RSPH1: variants seen among roughly 807,000 people sequenced by gnomAD.
The protein encoded by RSPH1 is radial spoke head component 1.
Under a neutral mutation model 44.2 loss-of-function variants are expected in RSPH1, and 32 were observed. The ratio of observed to expected loss-of-function variants is 0.72; its 90% CI spans 0.55 to 0.97. RSPH1 has a LOEUF of 0.97. RSPH1 is among the 50% of genes least tolerant of loss of function. The pLI is 0.00. For missense variants in RSPH1, 391 were observed against 398.7 expected (o/e 0.98, Z 0.16); for synonymous variants, 134 against 147.3 (o/e 0.91, Z 0.65).
At chr21:42,491,051 T>C (rs1346181852) in intron 3 of RSPH1, among the ~76,000 whole-genome samples, 1 of 152,198 alleles carries the variant, frequency 6.6e-6, no homozygotes, top group Admixed American at 6.5e-5. Context: ...AATCTGGCTG[T>C]TCATCCATAT....
chr21:42,474,515 C>T lies in RSPH1; in HGVS notation c.877+1383G>A, dbSNP rs1195685134. ...CACTGCCTATCAAACCCAGTGTCTCCCCCTCCAGCTGTGCTCCACAGTGAC... is the reference window on the plus strand; with the variant it reads ...CACTGCCTATCAAACCCAGTGTCTCTCCCTCCAGCTGTGCTCCACAGTGAC... On this transcript the variant is annotated intron_variant, in intron 8 of 8. Transcript: ENST00000291536. The surrounding 1 kb of genome is among the most constrained non-coding windows in gnomAD (Gnocchi z 5.2). 6.6e-6 allele frequency among the ~76,000 whole-genome samples: 1 copy of T among 152,242 alleles called. No homozygotes were observed. Among genetic ancestry groups the T allele is most frequent in the Non-Finnish European group, 1.5e-5 (1 of 68,040 alleles).
At chr21:42,491,192 T>G (rs987465599) in intron 3 of RSPH1, among the ~76,000 whole-genome samples, 2 of 152,184 alleles carry the variant, frequency 1.3e-5, no homozygotes, top group Non-Finnish European at 2.9e-5. Flanking sequence ...CAGGTAGAAC[T>G]GTGGGTACCC....
intron 1 of RSPH1, among the ~76,000 whole-genome samples, chr21:42,495,441 A>G (rs1413319750): frequency 6.6e-6 from 1 of 152,128 alleles, no homozygotes; most frequent in Non-Finnish European, 1.5e-5. Flanking sequence ...TCTGTCAGCC[A>G]TGGAGAGGTC....
At chr21:42,494,704 A>ATT (rs113496002) in intron 1 of RSPH1, among the ~76,000 whole-genome samples, 2,531 of 145,678 alleles carry the variant, frequency 0.017, 74 homozygotes, top group African/African-American at 0.06. Flanking sequence ...TGAACAAGTG[A>ATT]TTTTTTTTTT....
intron 4 of RSPH1, chr21:42,486,139 G>A: frequency 1.7e-6 from 1 of 575,678 alleles, no homozygotes; most frequent in South Asian, 2.1e-5. Context: ...ACTCTTGGGT[G>A]AAAGACTCAC....
chr21:42,479,567 C>T (rs2054104740), intron 6 of RSPH1, among the ~76,000 whole-genome samples: 1 of 152,170 alleles, frequency 6.6e-6, no homozygotes. Flanking sequence ...ATTACCAGTG[C>T]TGACAAGATA....
Position 42,477,208 on chromosome 21 carries a change from T to G in RSPH1, c.727+83A>C. The G allele has an allele frequency of 1.1e-5, 2 of 175,314 alleles. 1 individual carries two copies. The highest frequency in any genetic ancestry group is 1.6e-5 in the Non-Finnish European group (2 of 124,002). The allele number at this position is 175,314 out of a possible 1,614,324, so 10.9% of individuals were successfully genotyped here. ...ACCCCTCCACCCCACAGCCCGGGGATGCCCCACACCCTCTGTCCCACAGCC... is the reference window on the plus strand; with the variant it reads ...ACCCCTCCACCCCACAGCCCGGGGAGGCCCCACACCCTCTGTCCCACAGCC... On this transcript the variant is annotated intron_variant, in intron 7 of 8. Coordinates refer to ENST00000291536, the MANE Select transcript of RSPH1 (RefSeq NM_080860.4).
At chr21:42,480,655 A>C (rs2054117517) in intron 6 of RSPH1, among the ~76,000 whole-genome samples, 1 of 151,548 alleles carries the variant, frequency 6.6e-6, no homozygotes, top group Non-Finnish European at 1.5e-5. Context: ...AAAAAAAAAA[A>C]AAAAAAAAAA....
In RSPH1 at chr21:42,477,852, T is replaced by C. The variant is rs550496762; in HGVS notation, c.574-408A>G. On this transcript the variant is annotated intron_variant, in intron 6 of 8. Transcript: ENST00000291536. ...TGCAACTCTAATATAAAAAATCGTGTATTATATAATTATATGTCTATTGAG... is the reference window on the plus strand; with the variant it reads ...TGCAACTCTAATATAAAAAATCGTGCATTATATAATTATATGTCTATTGAG... Among the ~76,000 whole-genome samples, 155 of 152,318 alleles carry C rather than the reference T, an allele frequency of 1.0e-3. 1 individual carries two copies. Among genetic ancestry groups the C allele is most frequent in the African/African-American group, 2.7e-3 (114 of 41,578 alleles).
At chr21:42,493,874 C>A (rs2054260728) in intron 1 of RSPH1, among the ~76,000 whole-genome samples, 1 of 152,200 alleles carries the variant, frequency 6.6e-6, no homozygotes, top group Non-Finnish European at 1.5e-5. Context: ...CCTCAGACTC[C>A]TGAGTAGCTG....
chr21:42,486,482 G>A (rs549263569), intron 3 of RSPH1, 21 bp from the exon 4 acceptor site: 3 of 1,577,350 alleles, frequency 1.9e-6, no homozygotes, highest in South Asian at 2.2e-5. Context: ...CAACACAAAG[G>A]CAAGCCCAGG....
chr21:42,475,261 A>T (rs1051110329), intron 8 of RSPH1, among the ~76,000 whole-genome samples: 6 of 152,090 alleles, frequency 3.9e-5, no homozygotes, highest in Non-Finnish European at 8.8e-5. Context: ...TCCCGACACC[A>T]CTAGTCTGAA....
Position 42,477,296 on chromosome 21 carries a change from G to A in RSPH1, c.722C>T (p.Ala241Val), listed in dbSNP as rs1568959339. 2.5e-6 allele frequency: 4 copies of A among 1,613,480 alleles called. No homozygotes were observed. Among genetic ancestry groups the A allele is most frequent in the Non-Finnish European group, 3.4e-6 (4 of 1,179,714 alleles). ...AGCCCGGGGGTGCCCCACACTCTCA[G>A]CTCCTGGAGCGTCTTGGCCAGGTCC... ...TDGPGQDAPG[A>V]ESAGEPGEEA... Residue 241 changes from alanine to valine, a missense_variant, in exon 7 of 9, where the codon GCT becomes GTT. Physicochemically the swap from Ala to Val is moderately conservative, Grantham distance 64. Coordinates refer to ENST00000291536, the MANE Select transcript of RSPH1 (RefSeq NM_080860.4).
At chr21:42,488,831 G>A (rs576965955) in intron 3 of RSPH1, among the ~76,000 whole-genome samples, 45 of 152,254 alleles carry the variant, frequency 3.0e-4, no homozygotes, top group African/African-American at 1.0e-3. Context: ...CCTTTTTTGA[G>A]GTGAGTGACA....
intron 6 of RSPH1, among the ~76,000 whole-genome samples, chr21:42,477,839 AT>A (rs747966664): frequency 7.5e-4 from 114 of 152,342 alleles, no homozygotes; most frequent in Non-Finnish European, 1.2e-3. Context: ...CAACTCTAAT[AT>A]AAAAAATCGT....
chr21:42,486,499 G>T, intron 3 of RSPH1, 38 bp from the exon 4 acceptor site: 1 of 1,423,724 alleles, frequency 7.0e-7, no homozygotes, highest in Non-Finnish European at 9.9e-7. Context: ...CAGGTGAGAA[G>T]AAGGGATCGA....
intron 8 of RSPH1, among the ~76,000 whole-genome samples, chr21:42,473,604 C>T (rs2054015315): frequency 1.3e-5 from 2 of 151,746 alleles, no homozygotes; most frequent in Middle Eastern, 3.2e-3. Flanking sequence ...ATAACTTTCA[C>T]TGTTGGGTAT....
chr21:42,486,311 C>T, intron 4 of RSPH1, 60 bp downstream of exon 4: 1 of 1,194,850 alleles, frequency 8.4e-7, no homozygotes, highest in Non-Finnish European at 1.3e-6. Context: ...AAACAATCTG[C>T]AGACATCATG....
chr21:42,486,514 C>T lies in RSPH1; in HGVS notation c.275-53G>A, dbSNP rs2054182709. The T allele has an allele frequency of 3.2e-5, 40 of 1,259,706 alleles. 1 individual carries two copies. In the South Asian group the frequency reaches 4.8e-4, roughly 15 times the overall value. 78.0% of individuals were successfully genotyped at this position (1,259,706 alleles called of 1,614,324 possible). On this transcript the variant is annotated intron_variant, in intron 3 of 8. Coordinates refer to ENST00000291536, the MANE Select transcript of RSPH1 (RefSeq NM_080860.4). ...CAGGTGAGAAGAAGGGATCGATGCC[C>T]TGTACCATGTCTTCAAATTGTTAAC...
Sources: gnomAD v4.1 joint callset for allele counts (sites outside exome capture counted in the v4.1 genomes callset) on GRCh38, gnomAD v4.1.1 for gene constraint, Gnocchi (gnomAD v3.1) non-coding constraint, MANE v1.5 for transcripts, NCBI Gene and HGNC (gene_info 2026-07-23, HGNC 2026-07-21) for gene names.